Variants in DNAH8 observed in about 807,000 individuals in gnomAD.
The protein encoded by DNAH8 is axonemal beta dynein heavy chain 8.
In DNAH8, 382 loss-of-function variants were observed where a neutral mutation model predicts 562.1. That is an observed-to-expected ratio of 0.68 (90% CI 0.63 to 0.74). The LOEUF is 0.74. Ranked by LOEUF, DNAH8 falls within the 30% of genes least tolerant of loss-of-function variation. The pLI is 0.00. For missense variants in DNAH8, 5,203 were observed against 5,620.4 expected (o/e 0.93, Z 2.37); for synonymous variants, 1,881 against 1,919.4 (o/e 0.98, Z 0.52).
chr6:38,734,329 C>CCA, intron 4 of DNAH8, 145 bp from the exon 5 acceptor site: 1 of 709,618 alleles, frequency 1.4e-6, no homozygotes, highest in South Asian at 2.0e-5. Flanking sequence ...CTAGTAGACC[C>CCA]CCCCCCAAAA....
intron 88 of DNAH8, among the ~76,000 whole-genome samples, chr6:38,992,108 G>A (rs7768323): frequency 0.14 from 21,088 of 152,118 alleles, 1,675 homozygotes; most frequent in Middle Eastern, 0.2. Context: ...TGAGATTACA[G>A]GCATGCACCA....
intron 26 of DNAH8, among the ~76,000 whole-genome samples, chr6:38,821,960 C>T (rs906600325): frequency 6.6e-6 from 1 of 152,180 alleles, no homozygotes; most frequent in Non-Finnish European, 1.5e-5. Context: ...AGCCTGGCCA[C>T]AATTCTTGTA....
chr6:38,964,956 C>T (rs1032097023), intron 82 of DNAH8, among the ~76,000 whole-genome samples: 1 of 151,966 alleles, frequency 6.6e-6, no homozygotes, highest in Non-Finnish European at 1.5e-5. Context: ...CCTAGCTACT[C>T]AGGAAGCTGA....
chr6:38,851,508 TA>T, intron 38 of DNAH8, 63 bp from the exon 39 acceptor site: 7 of 979,654 alleles, frequency 7.1e-6, no homozygotes, highest in African/African-American at 3.3e-5. Flanking sequence ...ATGTCTTGAC[TA>T]AAAAAATAAT....
chr6:38,756,827 A>G (rs940365170), intron 10 of DNAH8, among the ~76,000 whole-genome samples: 4 of 152,022 alleles, frequency 2.6e-5, no homozygotes, highest in Admixed American at 6.5e-5. Context: ...AGCTTCATCC[A>G]TGTCCCTACA....
chr6:38,832,565 G>A (rs1399220574), intron 31 of DNAH8, 130 bp downstream of exon 31: 2 of 569,338 alleles, frequency 3.5e-6, no homozygotes, highest in Admixed American at 3.0e-5. Flanking sequence ...GCAGCTATCA[G>A]AAAAAGGGGA....
chr6:38,797,092 T>C (rs1449746496), intron 21 of DNAH8, among the ~76,000 whole-genome samples: 2 of 152,246 alleles, frequency 1.3e-5, no homozygotes, highest in African/African-American at 4.8e-5. Context: ...TTAGCAATTC[T>C]GTCAACAAAA....
At position 38,883,556 on chromosome 6, in the gene DNAH8, A is replaced by G; in HGVS notation, c.8136+100A>G. The G allele has an allele frequency of 4.7e-6, 6 of 1,280,312 alleles. No homozygotes were observed. The South Asian group carries it at 1.0e-4, about 21-fold the overall frequency. The allele number at this position is 1,280,312 out of a possible 1,614,324, so 79.3% of individuals were successfully genotyped here. A position where few individuals can be genotyped will look rare whatever the true frequency, so the allele number is the denominator to read the frequency against. On this transcript the variant is annotated intron_variant, in intron 55 of 92. Transcript: ENST00000327475. ...CATATAAAATGTGAAAATATTATAT[A>G]TTCAAAAGAAATCATGCTGCACTTG...
chr6:38,717,256 T>A (rs1244282176), intron 1 of DNAH8, among the ~76,000 whole-genome samples: 1 of 152,172 alleles, frequency 6.6e-6, no homozygotes, highest in East Asian at 1.9e-4. Flanking sequence ...TGATGCCACA[T>A]TCACTCTGTG....
At chr6:38,977,273 G>T (rs543516866) in intron 85 of DNAH8, among the ~76,000 whole-genome samples, 2 of 152,232 alleles carry the variant, frequency 1.3e-5, no homozygotes, top group South Asian at 4.1e-4. Flanking sequence ...AGGCAACGCC[G>T]CACTAAGCTC....
intron 80 of DNAH8, among the ~76,000 whole-genome samples, chr6:38,947,204 A>G (rs888221560): frequency 1.6e-4 from 24 of 152,268 alleles, no homozygotes; most frequent in African/African-American, 5.8e-4. Context: ...CTCCTCTTAC[A>G]CCACCGATTG....
At chr6:38,865,253 TTTCTGATACACTTTA>T (rs1213830313) in intron 45 of DNAH8, among the ~76,000 whole-genome samples, 7 of 152,206 alleles carry the variant, frequency 4.6e-5, no homozygotes, top group Non-Finnish European at 1.0e-4. Context: ...ATCAGAAATG[TTTCTGATACACTTTA>T]TTGTAAGCAA....
rs916284739 is a variant in DNAH8, at chr6:38,807,995, T to C, written c.3257+279T>C. On this transcript the variant is annotated intron_variant, in intron 24 of 92. Coordinates refer to ENST00000327475, the MANE Select transcript of DNAH8 (RefSeq NM_001206927.2). ...CTATCCTGAACTTGGTGTTTATCAT[T>C]GTCTTGGTTTTCTTCACAGTTTACT... 2.7e-5 allele frequency among the ~76,000 whole-genome samples: 4 copies of C among 150,134 alleles called. No homozygotes were observed. The Admixed American group carries it at 2.7e-4, about 10-fold the overall frequency.
intron 55 of DNAH8, among the ~76,000 whole-genome samples, 165 bp from the exon 56 acceptor site, chr6:38,883,711 C>T (rs539846552): frequency 4.2e-4 from 64 of 152,158 alleles, no homozygotes; most frequent in African/African-American, 1.5e-3. Flanking sequence ...GGATAAAACT[C>T]CAATGCCTTA....
At chr6:38,804,450 G>A (rs190349730) in intron 22 of DNAH8, among the ~76,000 whole-genome samples, 81 of 152,246 alleles carry the variant, frequency 5.3e-4, no homozygotes, top group African/African-American at 1.8e-3. Context: ...TATTGTAAGG[G>A]GATGTGCCTG....
At chr6:38,833,414 C>T (rs1774013897) in intron 31 of DNAH8, among the ~76,000 whole-genome samples, 1 of 152,106 alleles carries the variant, frequency 6.6e-6, no homozygotes, top group South Asian at 2.1e-4. Flanking sequence ...GATTTGCCCC[C>T]TCATTCTATT....
At chr6:38,801,427 A>G (rs1770767433) in intron 21 of DNAH8, among the ~76,000 whole-genome samples, 1 of 152,224 alleles carries the variant, frequency 6.6e-6, no homozygotes, top group Non-Finnish European at 1.5e-5. Flanking sequence ...AGGTTTCTGG[A>G]TATATCATGG....
At chr6:38,716,444 C>T (rs1424446951) in intron 1 of DNAH8, 1 of 152,160 alleles carries the variant, frequency 6.6e-6, no homozygotes, top group African/African-American at 2.4e-5. Context: ...CGCCACTGTT[C>T]CCACCTTCTG....
At chr6:38,730,886 C>T (rs1001710017) in intron 4 of DNAH8, among the ~76,000 whole-genome samples, 2 of 152,136 alleles carry the variant, frequency 1.3e-5, no homozygotes, top group African/African-American at 4.8e-5. Flanking sequence ...TTCAGATTGC[C>T]TTTCTTCTCT....
Sources: allele counts gnomAD v4.1 joint callset (sites outside exome capture counted in the v4.1 genomes callset), GRCh38; gene constraint gnomAD v4.1.1; transcripts MANE v1.5; gene names NCBI Gene and HGNC (gene_info 2026-07-23, HGNC 2026-07-21).